Variants in PRKD3 observed in about 807,000 individuals in gnomAD.
PRKD3 encodes protein kinase D3.
PRKD3 carries 47 observed loss-of-function variants against 99.2 expected under a neutral mutation model. The observed-to-expected ratio is 0.47, with a 90% CI of 0.38 to 0.60. The LOEUF (loss-of-function observed/expected upper bound fraction) is 0.60. PRKD3 is among the 20% of genes least tolerant of loss of function. The pLI is 0.00. For synonymous variants in PRKD3, 392 were observed against 355.4 expected (o/e 1.10, Z -1.16); for missense variants, 1,019 against 1,088.4 (o/e 0.94, Z 0.90).
intron 14 of PRKD3, among the ~76,000 whole-genome samples, chr2:37,266,045 CTATTCA>C (rs1481993213): frequency 6.6e-6 from 1 of 152,142 alleles, no homozygotes. Context: ...CATATTCATA[CTATTCA>C]TATTCAACAG....
chr2:37,287,375 CCTTT>C (rs971448053), intron 5 of PRKD3, among the ~76,000 whole-genome samples: 5 of 151,546 alleles, frequency 3.3e-5, no homozygotes, highest in Admixed American at 2.0e-4. Flanking sequence ...CCTTTTCTTC[CCTTT>C]TTTTTCTTTT....
rs555282698 is a variant in PRKD3, at chr2:37,302,072, G to C, written c.289-8801C>G. Among the ~76,000 whole-genome samples, 13 of 152,308 alleles carry C rather than the reference G, an allele frequency of 8.5e-5. No individual in the cohort carries two copies. The East Asian group carries it at 2.3e-3, about 27-fold the overall frequency. ...AGAGTCAAGAGAATAAAGAGGCTAG[G>C]AAATGTGGAAGAAGTTGGCAACCTT... On this transcript the variant is annotated intron_variant, in intron 2 of 18. Coordinates refer to ENST00000234179, the MANE Select transcript of PRKD3 (RefSeq NM_005813.6).
rs1388368527 is a variant in PRKD3, at chr2:37,252,862, T to TATATATATATATATAA, written c.*314_*315insTTATATATATATATAT. On this transcript the variant is annotated 3_prime_UTR_variant, in exon 19 of 19. Transcript: ENST00000234179. ...ATATTTATATTTATATATATATATA[T>TATATATATATATATAA]AAAGAGAAATGGGAAGACAAATTAA... 6.7e-6 allele frequency: 1 copy of TATATATATATATATAA among 148,792 alleles called. No homozygotes were observed. Among genetic ancestry groups the TATATATATATATATAA allele is most frequent in the Non-Finnish European group, 1.5e-5 (1 of 67,554 alleles). 9.2% of individuals were successfully genotyped at this position (148,792 alleles called of 1,614,324 possible). A position where few individuals can be genotyped will look rare whatever the true frequency, so the allele number is the denominator to read the frequency against.
rs181202543 is a variant in PRKD3 at position 37,287,701 on chromosome 2, C to T, written c.718-1332G>A. 7.9e-4 allele frequency among the ~76,000 whole-genome samples: 121 copies of T among 152,282 alleles called. 2 individuals are homozygous for T. The highest frequency in any genetic ancestry group is 1.9e-4 in the Non-Finnish European group (13 of 68,022). Reference sequence around the variant, plus strand: ...ATAACAGGGCCTGGCATACAATAATCGGTGAATGTGTGTTGAATGAATGAA... The same window carrying T: ...ATAACAGGGCCTGGCATACAATAATTGGTGAATGTGTGTTGAATGAATGAA... On this transcript the variant is annotated intron_variant, in intron 5 of 18. Transcript: ENST00000234179.
At chr2:37,319,868 A>T (rs2124908927) in intron 1 of PRKD3, among the ~76,000 whole-genome samples, 1 of 152,338 alleles carries the variant, frequency 6.6e-6, no homozygotes, top group South Asian at 2.1e-4. Context: ...AAGTGTTAAT[A>T]GGAGAATTGA....
intron 1 of PRKD3, among the ~76,000 whole-genome samples, chr2:37,321,838 A>C (rs544546802): frequency 6.7e-6 from 1 of 148,466 alleles, no homozygotes; most frequent in South Asian, 2.1e-4. Flanking sequence ...CAACGATGCA[A>C]AGAGACAGAC....
chr2:37,260,439 A>G (rs1016017032), intron 14 of PRKD3, 55 bp from the exon 15 acceptor site: 2 of 1,471,864 alleles, frequency 1.4e-6, no homozygotes, highest in Non-Finnish European at 1.9e-6. Context: ...CAGTTTTACT[A>G]ATATCTAGAT....
chr2:37,287,743 T>A (rs942102979), intron 5 of PRKD3, among the ~76,000 whole-genome samples: 10 of 152,224 alleles, frequency 6.6e-5, no homozygotes, highest in African/African-American at 1.4e-4. Context: ...CACATTGAAC[T>A]GGGTGATCTA....
At chr2:37,321,409 G>A (rs1671877064) in intron 1 of PRKD3, among the ~76,000 whole-genome samples, 1 of 152,128 alleles carries the variant, frequency 6.6e-6, no homozygotes. Context: ...CCCTGGAGGT[G>A]AGAGGACTTA....
intron 13 of PRKD3, chr2:37,268,461 G>C (rs1325527150): frequency 2.5e-6 from 1 of 407,148 alleles, no homozygotes; most frequent in African/African-American, 2.1e-5. Flanking sequence ...CTAGGTGCTA[G>C]GAATACAAAG....
At chr2:37,302,933 T>G (rs79403109) in intron 2 of PRKD3, among the ~76,000 whole-genome samples, 8,028 of 152,146 alleles carry the variant, frequency 0.053, 675 homozygotes, top group African/African-American at 0.18. Context: ...AGAACTTCTA[T>G]CTCTGTTTGC....
chr2:37,296,820 A>G (rs1670695654), intron 2 of PRKD3, among the ~76,000 whole-genome samples: 1 of 150,850 alleles, frequency 6.6e-6, no homozygotes, highest in Non-Finnish European at 1.5e-5. Flanking sequence ...GAACGGCGTG[A>G]ACCCGGGAGG....
In PRKD3 at chr2:37,323,880, A is replaced by C. The variant is rs921114998; in HGVS notation, c.-656+801T>G. 3.2e-4 allele frequency among the ~76,000 whole-genome samples: 49 copies of C among 152,320 alleles called. 1 individual carries two copies. Among genetic ancestry groups the C allele is most frequent in the African/African-American group, 1.1e-3 (46 of 41,574 alleles). ...GATGGGTGTGATTGAAGACACAGTTACGTCCATGCCATCAATCTGTGTGTG... is the reference window on the plus strand; with the variant it reads ...GATGGGTGTGATTGAAGACACAGTTCCGTCCATGCCATCAATCTGTGTGTG... On this transcript the variant is annotated intron_variant, in intron 1 of 18. Transcript: ENST00000234179.
chr2:37,276,810 ACATATATATACATATATATT>A (rs140027879), intron 9 of PRKD3, among the ~76,000 whole-genome samples: 2,445 of 145,730 alleles, frequency 0.017, 64 homozygotes, highest in African/African-American at 0.057. Flanking sequence ...ACACACATAC[ACATATATATACATATATATT>A]CATATATATA....
chr2:37,257,861 C>T (rs1668105092), intron 16 of PRKD3, among the ~76,000 whole-genome samples: 1 of 152,068 alleles, frequency 6.6e-6, no homozygotes, highest in Non-Finnish European at 1.5e-5. Context: ...AACAGCAACA[C>T]TTTTCTATCA....
At chr2:37,298,862 G>A (rs533812424) in intron 2 of PRKD3, among the ~76,000 whole-genome samples, 3 of 151,854 alleles carry the variant, frequency 2.0e-5, no homozygotes, top group Admixed American at 2.0e-4. Flanking sequence ...AGATCATATC[G>A]TCTGCAAAAA....
chr2:37,291,103 C>A, intron 3 of PRKD3, 104 bp from the exon 4 acceptor site: 1 of 1,118,202 alleles, frequency 8.9e-7, no homozygotes, highest in African/African-American at 1.6e-5. Context: ...ATCATTTTTT[C>A]TCTGAAAGTT....
intron 9 of PRKD3, among the ~76,000 whole-genome samples, chr2:37,276,291 C>A (rs1222009168): frequency 6.6e-6 from 1 of 152,114 alleles, no homozygotes; most frequent in Non-Finnish European, 1.5e-5. Context: ...GTCTCTTCAG[C>A]AACGTATGAG....
At chr2:37,253,753 A>G (rs1030537430) in intron 18 of PRKD3, among the ~76,000 whole-genome samples, 2 of 152,174 alleles carry the variant, frequency 1.3e-5, no homozygotes, top group African/African-American at 2.4e-5. Context: ...TTTAAAGCTA[A>G]TTCTGCCTCT....
Sources: gnomAD v4.1 joint callset for allele counts (sites outside exome capture counted in the v4.1 genomes callset) on GRCh38, gnomAD v4.1.1 for gene constraint, MANE v1.5 for transcripts, NCBI Gene and HGNC (gene_info 2026-07-23, HGNC 2026-07-21) for gene names.